Variants in HPS4 observed in about 807,000 individuals in gnomAD.
The protein encoded by HPS4 is BLOC-3 complex member HPS4.
A neutral mutation model predicts 70.3 loss-of-function variants in HPS4; 44 were observed. The ratio of observed to expected loss-of-function variants is 0.63; its 90% CI spans 0.49 to 0.80. The LOEUF is 0.80. Ranked by LOEUF, HPS4 falls within the 30% of genes least tolerant of loss-of-function variation. The probability of loss-of-function intolerance (pLI) is 0.00; values close to 1 mark genes in which losing one functional copy is unlikely to be tolerated. For missense variants in HPS4, 873 were observed against 884.4 expected, an observed-to-expected ratio of 0.99 and a Z score of 0.16; for synonymous variants, 377 against 355.9, an observed-to-expected ratio of 1.06 and a Z score of -0.67.
At position 26,466,363 on chromosome 22, in the gene HPS4, A is replaced by T; in HGVS notation, c.670-101T>A. Reference sequence around the variant, plus strand: ...TGCCATCTGTTCATAAAACTTAGCCAGGCCCAGAAAGCTTGTCCCAACCAC... The same window carrying T: ...TGCCATCTGTTCATAAAACTTAGCCTGGCCCAGAAAGCTTGTCCCAACCAC... On this transcript the variant is annotated intron_variant, in intron 8 of 13. Coordinates refer to ENST00000398145, the MANE Select transcript of HPS4 (RefSeq NM_022081.6). The T allele has an allele frequency of 2.2e-6, 3 of 1,334,646 alleles. No homozygotes were observed. The South Asian group carries it at 3.7e-5, about 16-fold the overall frequency. 82.7% of individuals were successfully genotyped at this position (1,334,646 alleles called of 1,614,324 possible).
chr22:26,463,971 C>T lies in HPS4; in HGVS notation c.1659G>A (p.Leu553=), dbSNP rs540157835. ...GCAGCGGCTCCTCAGCCAGCAGGGA[C>T]AGCACCAGCCCTTTGACGCAGTGAG... ...LYTHCVKGLV[L]SLLAEEPLLG... Residue 553 remains leucine (L), a synonymous_variant, in exon 11 of 14, where the codon CTG becomes CTA. Coordinates refer to ENST00000398145, the MANE Select transcript of HPS4 (RefSeq NM_022081.6). The T allele has an allele frequency of 1.9e-5, 31 of 1,614,092 alleles. No homozygotes were observed. Among genetic ancestry groups the T allele is most frequent in the Non-Finnish European group, 2.4e-5 (28 of 1,180,052 alleles).
At chr22:26,471,310 G>T in intron 6 of HPS4, 1 of 454,028 alleles carries the variant, frequency 2.2e-6, no homozygotes, top group East Asian at 7.0e-5. Context: ...CACATAAAAT[G>T]AAAACATCAT....
chr22:26,460,596 C>G (rs546261236), intron 11 of HPS4, among the ~76,000 whole-genome samples: 1 of 152,354 alleles, frequency 6.6e-6, no homozygotes, highest in South Asian at 2.1e-4. Flanking sequence ...CCAAAATCTT[C>G]TGCCTAACTT....
intron 2 of HPS4, chr22:26,479,572 G>A (rs1450043728): frequency 2.9e-6 from 4 of 1,374,806 alleles, no homozygotes; most frequent in African/African-American, 1.5e-5. Context: ...CTATCCAGCC[G>A]TTAGACCATC....
intron 2 of HPS4, chr22:26,479,607 G>GAA: frequency 6.2e-6 from 8 of 1,292,010 alleles, no homozygotes; most frequent in East Asian, 3.2e-5. Flanking sequence ...CGAGTAGCTA[G>GAA]AAAAAAAAAC....
At chr22:26,470,606 G>A (rs1356288539) in intron 7 of HPS4, 113 bp downstream of exon 7, 2 of 1,003,312 alleles carry the variant, frequency 2.0e-6, no homozygotes, top group Non-Finnish European at 3.1e-6. Flanking sequence ...TGCCGAACCA[G>A]CCCACTTGGA....
At chr22:26,453,430 G>A (rs747863960) in intron 13 of HPS4, 26 bp from the exon 14 acceptor site, 5 of 1,612,312 alleles carry the variant, frequency 3.1e-6, no homozygotes, top group East Asian at 2.2e-5. Context: ...AGAAGGCAAC[G>A]GTCCAATGCT....
intron 11 of HPS4, among the ~76,000 whole-genome samples, 169 bp downstream of exon 11, chr22:26,463,748 C>G (rs1380139968): frequency 2.6e-5 from 4 of 152,256 alleles, no homozygotes; most frequent in African/African-American, 4.8e-5. Context: ...CAAAAACCCA[C>G]AGAGGCAGGT....
chr22:26,477,746 T>C (rs1457510748), intron 3 of HPS4, among the ~76,000 whole-genome samples: 1 of 152,034 alleles, frequency 6.6e-6, no homozygotes, highest in Non-Finnish European at 1.5e-5. Flanking sequence ...ACTACTAATG[T>C]AAAGGAAATA....
chr22:26,449,483 A>C (rs969240229), downstream of HPS4, among the ~76,000 whole-genome samples: 2 of 151,618 alleles, frequency 1.3e-5, no homozygotes, highest in African/African-American at 2.4e-5. Context: ...GGCATGCGCC[A>C]CCCCACCTGG....
rs2085462230 is a variant in HPS4, at chr22:26,453,028, C to T, written c.*205G>A. ...ATTAAATACAGTTCTTTATCAAGTG[C>T]TCTGGGTCTGCCGACCTGAAGAACT... is the stretch of plus-strand genomic sequence containing the variant. On this transcript the variant is annotated 3_prime_UTR_variant, in exon 14 of 14. Coordinates refer to ENST00000398145, the MANE Select transcript of HPS4 (RefSeq NM_022081.6). The T allele has an allele frequency of 3.4e-6, 2 of 595,710 alleles. No individual in the cohort carries two copies. Among genetic ancestry groups the T allele is most frequent in the Non-Finnish European group, 5.9e-6 (2 of 337,674 alleles). 36.9% of individuals were successfully genotyped at this position (595,710 alleles called of 1,614,324 possible).
rs1411760238 is a variant in HPS4, at chr22:26,468,599, G to A, written c.621C>T (p.Pro207=). 6.8e-6 allele frequency: 11 copies of A among 1,613,992 alleles called. No individual in the cohort carries two copies. Among genetic ancestry groups the A allele is most frequent in the African/African-American group, 5.3e-5 (4 of 74,914 alleles). ...GAAGCAGGACCTTGGCGGTGAGGGA[G>A]GGCGGGAGTTGGGTGCTGACAATCC... The part of the protein sequence containing the change: ...KGLIVSTQLP[P]SLTAKVLLHR... Residue 207 remains proline, a synonymous_variant, in exon 8 of 14, where the codon CCC becomes CCT. Coordinates refer to ENST00000398145, the MANE Select transcript of HPS4 (RefSeq NM_022081.6).
Position 26,452,518 on chromosome 22 carries a change from C to T in HPS4, c.*715G>A. On this transcript the variant is annotated 3_prime_UTR_variant, in exon 14 of 14. Coordinates refer to ENST00000398145, the MANE Select transcript of HPS4 (RefSeq NM_022081.6). ...TAGTCAAAGGCAGCGCAGGTTGGTCCTGTTGTCACTGAATTCTCAGGGCTC... is the reference window on the plus strand; with the variant it reads ...TAGTCAAAGGCAGCGCAGGTTGGTCTTGTTGTCACTGAATTCTCAGGGCTC... 2.8e-6 allele frequency: 1 copy of T among 356,734 alleles called. No individual in the cohort carries two copies. Among genetic ancestry groups the T allele is most frequent in the South Asian group, 2.1e-5 (1 of 46,748 alleles). The allele number at this position is 356,734 out of a possible 1,614,324, so 22.1% of individuals were successfully genotyped here. A position where few individuals can be genotyped will look rare whatever the true frequency, so the allele number is the denominator to read the frequency against.
chr22:26,466,245 CTCTCCCGTAGGGAG>C lies in HPS4; in HGVS notation c.673_686del (p.Leu225GlyfsTer28). The C allele has an allele frequency of 6.2e-7, 1 of 1,614,172 alleles. No individual in the cohort carries two copies. Among genetic ancestry groups the C allele is most frequent in the Admixed American group, 1.7e-5 (1 of 60,024 alleles). On this transcript the variant is annotated frameshift_variant, in exon 9 of 14. Coordinates refer to ENST00000398145, the MANE Select transcript of HPS4 (RefSeq NM_022081.6). LOFTEE classifies it high-confidence loss of function. ...ACTTACCATGTTCCTGCGGGGCATC[CTCTCCCGTAGGGAG>C]TCTCTGAAAACAAACACACACAGAA...
In HPS4 at chr22:26,451,471, C is replaced by T. The variant is rs139974836; in HGVS notation, c.*1762G>A. Reference sequence around the variant, plus strand: ...TCAAAGGAGGAAAGAAAGGGGCACACCTGCAAAGTGAAGTTTCAGGACTTT... The same window carrying T: ...TCAAAGGAGGAAAGAAAGGGGCACATCTGCAAAGTGAAGTTTCAGGACTTT... On this transcript the variant is annotated 3_prime_UTR_variant, in exon 14 of 14. Transcript: ENST00000398145. 6.6e-3 allele frequency: 1,011 copies of T among 152,334 alleles called. 5 individuals carry two copies. Among genetic ancestry groups the T allele is most frequent in the Admixed American group, 0.016 (246 of 15,290 alleles). 9.4% of individuals were successfully genotyped at this position (152,334 alleles called of 1,614,324 possible).
In HPS4 at chr22:26,483,725, T is replaced by A. The variant is rs3747137; in HGVS notation, c.-530A>T. The A allele has an allele frequency of 6.9e-6, 3 of 435,316 alleles. No individual in the cohort carries two copies. In the Admixed American group the frequency reaches 1.4e-4, roughly 20 times the overall value. 27.0% of individuals were successfully genotyped at this position (435,316 alleles called of 1,614,324 possible). On this transcript the variant is annotated 5_prime_UTR_variant, in exon 1 of 14. Coordinates refer to ENST00000398145, the MANE Select transcript of HPS4 (RefSeq NM_022081.6). ...GGGGTTCGGGACTCTGGACCAGAAA[T>A]GTGGGCAGCAGCTGGGTACCTGCGA...
intron 7 of HPS4, 137 bp downstream of exon 7, chr22:26,470,582 A>T: frequency 1.3e-6 from 1 of 774,124 alleles, no homozygotes. Context: ...GTCAAATCTA[A>T]ACTACCTGAT....
Position 26,477,027 on chromosome 22 carries a change from T to C in HPS4, c.242A>G (p.Lys81Arg). ...ATCTCCATCAACTTTTATGGCAAAC[T>C]TCAGTTTTCTCAGACGAACAAGAGT... ...PPTLVRLRKL[K>R]FAIKVDGDYL... The change falls in exon 4 of 14, where the codon AAG becomes AGG. Residue 81 changes from lysine (K) to arginine (R), a missense_variant. Physicochemically the swap from Lys to Arg is conservative, Grantham distance 26. Coordinates refer to ENST00000398145, the MANE Select transcript of HPS4 (RefSeq NM_022081.6). 6.2e-7 allele frequency: 1 copy of C among 1,614,186 alleles called. No individual in the cohort carries two copies. Among genetic ancestry groups the C allele is most frequent in the Middle Eastern group, 1.6e-4 (1 of 6,062 alleles).
chr22:26,477,570 G>A (rs926710569), intron 3 of HPS4, among the ~76,000 whole-genome samples: 1 of 152,140 alleles, frequency 6.6e-6, no homozygotes, highest in African/African-American at 2.4e-5. Flanking sequence ...ATCCATGTCA[G>A]AGCACAGTCA....
Sources: gnomAD v4.1 joint callset for allele counts (sites outside exome capture counted in the v4.1 genomes callset) on GRCh38, gnomAD v4.1.1 for gene constraint, MANE v1.5 for transcripts, NCBI Gene and HGNC (gene_info 2026-07-23, HGNC 2026-07-21) for gene names.